SH2B2: variants seen among roughly 807,000 people sequenced by gnomAD.
SH2B2 encodes the protein SH2B adapter protein 2.
Under a neutral mutation model 35.7 loss-of-function variants are expected in SH2B2, and 37 were observed. That is an observed-to-expected ratio of 1.04 (90% confidence interval 0.80 to 1.36). The LOEUF (loss-of-function observed/expected upper bound fraction) is 1.36, where lower values mean the gene tolerates loss of function less well. SH2B2 is among the 40% of genes most tolerant of loss of function. The pLI is 0.00. For missense variants in SH2B2, 852 were observed against 817.7 expected (o/e 1.04, Z -0.51); for synonymous variants, 383 against 376.4 (o/e 1.02, Z -0.20).
intron 6 of SH2B2, among the ~76,000 whole-genome samples, chr7:102,316,729 A>G (rs539228297): frequency 6.6e-6 from 1 of 152,044 alleles, no homozygotes; most frequent in East Asian, 1.9e-4. Context: ...CTAAAAAATA[A>G]AAAATAAGGC....
chr7:102,321,547 G>A lies in SH2B2; in HGVS notation c.1816G>A (p.Val606Met), dbSNP rs1396946789. ...SNSAERLLEA[V>M]AATAAEEPPE... ...CAGCGCCGAGCGCCTGCTGGAGGCCGTGGCCGCCACCGCCGCCGAGGAGCC... is the reference window on the plus strand; with the variant it reads ...CAGCGCCGAGCGCCTGCTGGAGGCCATGGCCGCCACCGCCGCCGAGGAGCC... The change falls in exon 9 of 9, where the codon GTG (valine) becomes ATG (methionine). Residue 606 changes from valine (V) to methionine (M), a missense_variant. Val to Met is a conservative substitution (Grantham distance 21, BLOSUM62 1). Coordinates refer to ENST00000444095, the MANE Select transcript of SH2B2 (RefSeq NM_001359228.2). 1 of 1,146,396 alleles carries A rather than the reference G, an allele frequency of 8.7e-7. No homozygotes were observed. Among genetic ancestry groups the A allele is most frequent in the South Asian group, 4.0e-5 (1 of 24,774 alleles). 71.0% of individuals were successfully genotyped at this position (1,146,396 alleles called of 1,614,324 possible).
Position 102,317,274 on chromosome 7 carries a change from T to C in SH2B2, c.1274T>C (p.Val425Ala). 1.2e-6 allele frequency: 2 copies of C among 1,613,656 alleles called. No homozygotes were observed. Among genetic ancestry groups the C allele is most frequent in the Non-Finnish European group, 1.7e-6 (2 of 1,179,728 alleles). The change falls in exon 7 of 9, where the codon GTC (valine) becomes GCC (alanine). Residue 425 changes from valine to alanine, a missense_variant. By Grantham distance (64) the Val-to-Ala change is moderately conservative. Around this residue, in one of 3 missense-constraint regions of SH2B2, gnomAD observed 556 missense variants for 514.5 expected, o/e 1.08. Coordinates refer to ENST00000444095, the MANE Select transcript of SH2B2 (RefSeq NM_001359228.2). ...YPWFHGTLSRVKAAQLVLAGG... is the reference protein window; with the variant it reads ...YPWFHGTLSRAKAAQLVLAGG... ...TGGTTCCACGGGACACTGTCCCGGG[T>C]CAAGGCTGCTCAACTGGTTCTGGCA... is the stretch of plus-strand genomic sequence containing the variant.
chr7:102,321,104 G>A (rs1554558378), intron 8 of SH2B2, among the ~76,000 whole-genome samples, 195 bp from the exon 9 acceptor site: 1 of 152,194 alleles, frequency 6.6e-6, no homozygotes, highest in African/African-American at 2.4e-5. Context: ...GCGTGCACAC[G>A]CGTGGTTAGG....
chr7:102,318,137 G>A (rs1482345527), intron 7 of SH2B2, among the ~76,000 whole-genome samples: 2 of 151,994 alleles, frequency 1.3e-5, no homozygotes, highest in Non-Finnish European at 2.9e-5. Flanking sequence ...GAAATGCTTT[G>A]TTTTTGTTTT....
intron 2 of SH2B2, among the ~76,000 whole-genome samples, chr7:102,303,032 G>A (rs1027976114): frequency 2.2e-4 from 34 of 152,002 alleles, no homozygotes; most frequent in Admixed American, 1.8e-3. Flanking sequence ...TCAGGGGTTC[G>A]TGACCAGCCT....
At position 102,286,898 on chromosome 7, in the gene SH2B2, C is replaced by G. The variant is rs1464299836; in HGVS notation, c.-226C>G. ...GCGCTGGGGCTGGGCTTGGAGCGCGCGGAGCTCGGCTGCCAGAGAGCCGCG... is the reference window on the plus strand; with the variant it reads ...GCGCTGGGGCTGGGCTTGGAGCGCGGGGAGCTCGGCTGCCAGAGAGCCGCG... On this transcript the variant is annotated 5_prime_UTR_variant, in exon 1 of 9. Coordinates refer to ENST00000444095, the MANE Select transcript of SH2B2 (RefSeq NM_001359228.2). 1 of 146,682 alleles carries G rather than the reference C, an allele frequency of 6.8e-6. No homozygotes were observed. The highest frequency in any genetic ancestry group is 1.5e-5 in the Non-Finnish European group (1 of 66,372). 9.1% of individuals were successfully genotyped at this position (146,682 alleles called of 1,614,324 possible).
At chr7:102,316,488 G>C (rs1413352274) in intron 6 of SH2B2, among the ~76,000 whole-genome samples, 1 of 152,108 alleles carries the variant, frequency 6.6e-6, no homozygotes, top group East Asian at 1.9e-4. Flanking sequence ...TTGGGAGGCT[G>C]AGGCAGGAGA....
intron 3 of SH2B2, among the ~76,000 whole-genome samples, 193 bp from the exon 4 acceptor site, chr7:102,308,620 AGT>A (rs1422309739): frequency 6.6e-6 from 1 of 152,164 alleles, no homozygotes; most frequent in Admixed American, 6.5e-5. Context: ...GGGAATACAG[AGT>A]GTGAGCTGGG....
intron 2 of SH2B2, among the ~76,000 whole-genome samples, chr7:102,304,122 A>G (rs1475003185): frequency 6.6e-6 from 1 of 152,224 alleles, no homozygotes; most frequent in Non-Finnish European, 1.5e-5. Flanking sequence ...GATGCCCTGA[A>G]TGATACCCCC....
Position 102,301,565 on chromosome 7 carries a change from T to C in SH2B2, c.729+286T>C, listed in dbSNP as rs1447219313. On this transcript the variant is annotated intron_variant, in intron 2 of 8. Coordinates refer to ENST00000444095, the MANE Select transcript of SH2B2 (RefSeq NM_001359228.2). ...GTGTGTGTGTGTGTGTGTCCGTGTG[T>C]GTGTGTGTGTGTGTGTGCGCGCGCG... Among the ~76,000 whole-genome samples the C allele has an allele frequency of 2.1e-5, 3 of 141,168 alleles. No homozygotes were observed. The East Asian group carries it at 5.8e-4, about 27-fold the overall frequency. 92.6% of individuals were successfully genotyped at this position (141,168 alleles called of 152,430 possible).
At chr7:102,309,227 TG>T in intron 4 of SH2B2, 2 of 515,110 alleles carry the variant, frequency 3.9e-6, no homozygotes, top group Non-Finnish European at 7.5e-6. Context: ...CCCAAAGGGC[TG>T]GGGGCCTGGT....
At chr7:102,309,963 C>T (rs1793554798) in intron 4 of SH2B2, among the ~76,000 whole-genome samples, 1 of 152,038 alleles carries the variant, frequency 6.6e-6, no homozygotes. Context: ...TAGGATTGCA[C>T]CACTGCACTC....
In SH2B2 at chr7:102,317,305, G is replaced by A. The variant is rs782484238; in HGVS notation, c.1305G>A (p.Gly435=). Residue 435 remains glycine, a synonymous_variant, in exon 7 of 9, where the codon GGG becomes GGA. Transcript: ENST00000444095. ...CTGCTCAACTGGTTCTGGCAGGGGG[G>A]CCCCGGAACCACGGCCTCTTCGTGA... The part of the protein sequence containing the change: ...VKAAQLVLAG[G]PRNHGLFVIR... 6 of 1,613,456 alleles carry A rather than the reference G, an allele frequency of 3.7e-6. No homozygotes were observed. Among genetic ancestry groups the A allele is most frequent in the South Asian group, 1.1e-5 (1 of 91,066 alleles).
intron 1 of SH2B2, among the ~76,000 whole-genome samples, chr7:102,294,749 G>C (rs1176318788): frequency 6.6e-6 from 1 of 152,146 alleles, no homozygotes; most frequent in South Asian, 2.1e-4. Context: ...AACCATGTCC[G>C]GGCCTCCCTC....
chr7:102,321,017 G>C (rs1794042560), intron 8 of SH2B2, among the ~76,000 whole-genome samples: 1 of 152,192 alleles, frequency 6.6e-6, no homozygotes, highest in Non-Finnish European at 1.5e-5. Flanking sequence ...ATGGGCACGC[G>C]TGTGCTTGTG....
At chr7:102,310,829 AG>A (rs1418280827) in intron 4 of SH2B2, among the ~76,000 whole-genome samples, 2 of 152,164 alleles carry the variant, frequency 1.3e-5, no homozygotes, top group Non-Finnish European at 2.9e-5. Flanking sequence ...TCGAGCTGGC[AG>A]GGTCCCAGAC....
chr7:102,294,378 G>A (rs1351214684), intron 1 of SH2B2, among the ~76,000 whole-genome samples: 7 of 152,150 alleles, frequency 4.6e-5, no homozygotes, highest in African/African-American at 1.4e-4. Flanking sequence ...TTGAATAGTC[G>A]GAAGAGCAAA....
rs532662232 is a variant in SH2B2, at chr7:102,320,958, C to T, written c.1568-341C>T. 4.6e-5 allele frequency among the ~76,000 whole-genome samples: 7 copies of T among 152,112 alleles called. No individual in the cohort carries two copies. In the South Asian group the frequency reaches 1.0e-3, roughly 23 times the overall value. On this transcript the variant is annotated intron_variant, in intron 8 of 8. Coordinates refer to ENST00000444095, the MANE Select transcript of SH2B2 (RefSeq NM_001359228.2). Reference sequence around the variant, plus strand: ...ATGTGTGCATGTGCCCGTGTGCGTACGCTTACGTGTGCGTGTGTGCGCATA... The same window carrying T: ...ATGTGTGCATGTGCCCGTGTGCGTATGCTTACGTGTGCGTGTGTGCGCATA...
In SH2B2 at chr7:102,297,394, T is replaced by TAC. The variant is rs3988122; in HGVS notation, c.-29-3093_-29-3092dup. On this transcript the variant is annotated intron_variant, in intron 1 of 8. Transcript: ENST00000444095. The surrounding 1 kb of genome is among the most constrained non-coding windows in gnomAD (Gnocchi z 4.3). ...CATCAATAGAGTGAGATCCCATCTC[T>TAC]ACACACACACACACACACACACACA... Among the ~76,000 whole-genome samples, 34,317 of 144,362 alleles carry TAC rather than the reference T, an allele frequency of 0.24. 3,863 individuals carry two copies. The highest frequency in any genetic ancestry group is 0.27 in the Middle Eastern group (76 of 280). 94.7% of individuals were successfully genotyped at this position (144,362 alleles called of 152,430 possible). A position where few individuals can be genotyped will look rare whatever the true frequency, so the allele number is the denominator to read the frequency against.
Sources: allele counts gnomAD v4.1 joint callset (sites outside exome capture counted in the v4.1 genomes callset), GRCh38; gene constraint gnomAD v4.1.1; regional missense constraint gnomAD v4.1.1; non-coding constraint Gnocchi (gnomAD v3.1); transcripts MANE v1.5; gene names NCBI Gene and HGNC (gene_info 2026-07-23, HGNC 2026-07-21).